The following SLCO4C1 variants were observed in gnomAD, a reference collection of about 807,000 sequenced individuals.
SLCO4C1 encodes organic anion transporter M1.
A neutral mutation model predicts 72.1 loss-of-function variants in SLCO4C1; 58 were observed. The ratio of observed to expected loss-of-function variants is 0.80; its 90% CI spans 0.65 to 1.00. SLCO4C1 has a LOEUF of 1.00. SLCO4C1 is among the 50% of genes least tolerant of loss of function. The pLI is 0.00. For missense variants in SLCO4C1, 898 were observed against 857.9 expected (o/e 1.05, Z -0.58); for synonymous variants, 297 against 312.5 (o/e 0.95, Z 0.52).
At chr5:102,245,001 C>T (rs889557798) in intron 10 of SLCO4C1, among the ~76,000 whole-genome samples, 3 of 152,136 alleles carry the variant, frequency 2.0e-5, no homozygotes, top group African/African-American at 7.2e-5. Context: ...TATTCTAACA[C>T]TGGAACTGTG....
At position 102,262,990 on chromosome 5, in the gene SLCO4C1, C is replaced by T. The variant is rs146300148; in HGVS notation, c.899+694G>A. Among the ~76,000 whole-genome samples the T allele has an allele frequency of 2.7e-3, 407 of 152,210 alleles. 4 individuals carry two copies. The highest frequency in any genetic ancestry group is 0.02 in the East Asian group (105 of 5,180). On this transcript the variant is annotated intron_variant, in intron 4 of 12. Coordinates refer to ENST00000310954, the MANE Select transcript of SLCO4C1 (RefSeq NM_180991.5). ...GGCAAAATGAAAAAAAATATGACCT[C>T]AGTAAAGGCACAAATTTCTCTAATC...
At position 102,235,173 on chromosome 5, in the gene SLCO4C1, A is replaced by G. The variant is rs1462184453; in HGVS notation, c.*1685T>C. On this transcript the variant is annotated 3_prime_UTR_variant, in exon 13 of 13. Transcript: ENST00000310954. ...AGATTACCACAAAACATAATTTCTTAAATTCTGCAAATTTCTAATGTTTCT... is the reference window on the plus strand; with the variant it reads ...AGATTACCACAAAACATAATTTCTTGAATTCTGCAAATTTCTAATGTTTCT... 6.6e-6 allele frequency: 1 copy of G among 152,164 alleles called. No individual in the cohort carries two copies. Among genetic ancestry groups the G allele is most frequent in the African/African-American group, 2.4e-5 (1 of 41,426 alleles). 9.4% of individuals were successfully genotyped at this position (152,164 alleles called of 1,614,324 possible).
At chr5:102,238,108 G>A (rs1395496430) in intron 12 of SLCO4C1, among the ~76,000 whole-genome samples, 1 of 152,094 alleles carries the variant, frequency 6.6e-6, no homozygotes, top group African/African-American at 2.4e-5. Flanking sequence ...CTAGACTATA[G>A]AATGATTAGT....
chr5:102,281,276 T>C (rs557607255), intron 2 of SLCO4C1, among the ~76,000 whole-genome samples: 1 of 152,116 alleles, frequency 6.6e-6, no homozygotes, highest in African/African-American at 2.4e-5. Context: ...AAACCTCACA[T>C]CTTTTATACA....
chr5:102,245,397 T>C (rs1748618450), intron 10 of SLCO4C1, among the ~76,000 whole-genome samples: 1 of 152,064 alleles, frequency 6.6e-6, no homozygotes, highest in Non-Finnish European at 1.5e-5. Context: ...GGAGTCACTA[T>C]ACCTAGAAAA....
At chr5:102,268,987 A>C (rs988604500) in intron 3 of SLCO4C1, among the ~76,000 whole-genome samples, 5 of 151,958 alleles carry the variant, frequency 3.3e-5, no homozygotes, top group Admixed American at 3.3e-4. Flanking sequence ...GAGCATTCTT[A>C]AATATATCAT....
At chr5:102,289,379 C>A (rs1294522179) in intron 2 of SLCO4C1, among the ~76,000 whole-genome samples, 2 of 152,150 alleles carry the variant, frequency 1.3e-5, no homozygotes, top group Non-Finnish European at 2.9e-5. Flanking sequence ...TCGTGGAAGA[C>A]AGATCAGGCT....
Position 102,296,176 on chromosome 5 carries a change from T to C in SLCO4C1, c.87A>G (p.Gln29=). 6.2e-7 allele frequency: 1 copy of C among 1,609,308 alleles called. No individual in the cohort carries two copies. Among genetic ancestry groups the C allele is most frequent in the Non-Finnish European group, 8.5e-7 (1 of 1,177,348 alleles). Residue 29 remains glutamine, a synonymous_variant, in exon 1 of 13, where the codon CAA becomes CAG. Coordinates refer to ENST00000310954, the MANE Select transcript of SLCO4C1 (RefSeq NM_180991.5). ...CAGAGGACAAGGCAGAGACTTCGAT[T>C]TGGGAGGGCGACGCAGACAAGCGGC... ...ILRRLSASPS[Q]IEVSALSSDP...
chr5:102,260,989 C>T (rs570577846), intron 5 of SLCO4C1, among the ~76,000 whole-genome samples: 2 of 152,260 alleles, frequency 1.3e-5, no homozygotes, highest in South Asian at 4.1e-4. Context: ...ATGTAAACAA[C>T]TAAATACCTT....
chr5:102,247,327 A>G lies in SLCO4C1; in HGVS notation c.1736T>C (p.Ile579Thr). Residue 579 changes from isoleucine to threonine, a missense_variant, in exon 10 of 13, where the codon ATA becomes ACA. Physicochemically the swap from Ile to Thr is moderately conservative, Grantham distance 89 (BLOSUM62 -1). Coordinates refer to ENST00000310954, the MANE Select transcript of SLCO4C1 (RefSeq NM_180991.5). Reference sequence around the variant, plus strand: ...TACAATAAAGAAAATGCAAAGGAATATGGGCAGTTTCGCACAATGAGTTTC... The same window carrying G: ...TACAATAAAGAAAATGCAAAGGAATGTGGGCAGTTTCGCACAATGAGTTTC... ...KCETHCAKLP[I>T]FLCIFFIVII... 1 of 1,597,136 alleles carries G rather than the reference A, an allele frequency of 6.3e-7. No homozygotes were observed. Among genetic ancestry groups the G allele is most frequent in the Non-Finnish European group, 8.6e-7 (1 of 1,167,596 alleles).
intron 2 of SLCO4C1, among the ~76,000 whole-genome samples, chr5:102,290,494 A>G (rs1351474540): frequency 6.6e-6 from 1 of 152,218 alleles, no homozygotes; most frequent in African/African-American, 2.4e-5. Flanking sequence ...CATCCACACT[A>G]TAGCAAATAC....
intron 8 of SLCO4C1, among the ~76,000 whole-genome samples, chr5:102,253,877 C>A (rs1165817489): frequency 6.6e-6 from 1 of 151,794 alleles, no homozygotes; most frequent in Non-Finnish European, 1.5e-5. Context: ...AATCATACCC[C>A]AAACCTCAGC....
intron 1 of SLCO4C1, among the ~76,000 whole-genome samples, chr5:102,294,374 C>T (rs911553561): frequency 6.6e-6 from 1 of 152,172 alleles, no homozygotes; most frequent in African/African-American, 2.4e-5. Flanking sequence ...TCAGATTAAG[C>T]TTCTTAAATT....
At chr5:102,241,666 CT>C (rs1437030502) in intron 10 of SLCO4C1, among the ~76,000 whole-genome samples, 1 of 151,940 alleles carries the variant, frequency 6.6e-6, no homozygotes, top group South Asian at 2.1e-4. Context: ...AATATTTATC[CT>C]ACATCAAGTG....
chr5:102,239,138 A>G, intron 12 of SLCO4C1, 113 bp downstream of exon 12: 1 of 956,508 alleles, frequency 1.0e-6, no homozygotes, highest in Non-Finnish European at 1.5e-6. Context: ...GGATGGTTCA[A>G]CAATGTGGAC....
chr5:102,241,458 A>G (rs1444422461), intron 10 of SLCO4C1, among the ~76,000 whole-genome samples: 1 of 152,134 alleles, frequency 6.6e-6, no homozygotes, highest in Non-Finnish European at 1.5e-5. Flanking sequence ...TCTATACACC[A>G]ACAATGAACA....
Position 102,259,557 on chromosome 5 carries a change from T to A in SLCO4C1, c.1128+656A>T, listed in dbSNP as rs548514516. 5.2e-3 allele frequency among the ~76,000 whole-genome samples: 798 copies of A among 152,182 alleles called. 4 individuals carry two copies. Among genetic ancestry groups the A allele is most frequent in the African/African-American group, 0.017 (710 of 41,568 alleles). On this transcript the variant is annotated intron_variant, in intron 6 of 12. Coordinates refer to ENST00000310954, the MANE Select transcript of SLCO4C1 (RefSeq NM_180991.5). ...CAAAAACAATGAAAAGCAAACAATT[T>A]CACATCTTGAAAAGGTAAAATTATA...
At chr5:102,272,169 G>A (rs978000183) in intron 2 of SLCO4C1, among the ~76,000 whole-genome samples, 3 of 152,164 alleles carry the variant, frequency 2.0e-5, no homozygotes, top group Admixed American at 6.6e-5. Flanking sequence ...AGTGGGAGAA[G>A]ACAGAGATCC....
intron 2 of SLCO4C1, among the ~76,000 whole-genome samples, chr5:102,283,586 T>C (rs937247607): frequency 1.4e-4 from 16 of 117,642 alleles, no homozygotes; most frequent in African/African-American, 5.4e-4. Flanking sequence ...CTAAGGAAGC[T>C]ACAAAAAAAA....
Sources: allele counts gnomAD v4.1 joint callset (sites outside exome capture counted in the v4.1 genomes callset), GRCh38; gene constraint gnomAD v4.1.1; transcripts MANE v1.5; gene names NCBI Gene and HGNC (gene_info 2026-07-23, HGNC 2026-07-21).